HSD17B12: variants seen among roughly 807,000 people sequenced by gnomAD.
HSD17B12 encodes the protein hydroxysteroid 17-beta dehydrogenase 12.
In HSD17B12, 32 loss-of-function variants were observed where a neutral mutation model predicts 39.3. The observed-to-expected ratio is 0.81, with a 90% CI of 0.61 to 1.09. HSD17B12 has a LOEUF of 1.09. HSD17B12 is among the 50% of genes least tolerant of loss of function. HSD17B12 has a pLI of 0.00. For synonymous variants in HSD17B12, 150 were observed against 146.7 expected, an observed-to-expected ratio of 1.02 and a Z score of -0.16; for missense variants, 342 against 382.9, an observed-to-expected ratio of 0.89 and a Z score of 0.89.
chr11:43,798,192 G>C (rs1950931278), intron 3 of HSD17B12, 128 bp from the exon 4 acceptor site: 1 of 624,904 alleles, frequency 1.6e-6, no homozygotes, highest in South Asian at 1.7e-5. Context: ...AATTATCCTG[G>C]TGTAAATTTT....
At chr11:43,687,365 T>C (rs1298253445) in intron 1 of HSD17B12, among the ~76,000 whole-genome samples, 1 of 152,198 alleles carries the variant, frequency 6.6e-6, no homozygotes, top group Non-Finnish European at 1.5e-5. Flanking sequence ...ATAGACCTTA[T>C]AATAGTCCAA....
At chr11:43,816,466 T>A in intron 6 of HSD17B12, 75 bp downstream of exon 6, 1 of 1,285,244 alleles carries the variant, frequency 7.8e-7, no homozygotes, top group Non-Finnish European at 1.1e-6. Context: ...AATCAGCTTG[T>A]TCACCTGAGT....
the HSD17B12 span, among the ~76,000 whole-genome samples, chr11:43,579,730 G>A: frequency 6.6e-6 from 1 of 152,138 alleles, no homozygotes; most frequent in Admixed American, 6.5e-5. Context: ...GAGCCGAGGG[G>A]ATGCCGTGGG....
rs369191916 is a variant in HSD17B12, at chr11:43,724,960, C to A, written c.161-25951C>A. On this transcript the variant is annotated intron_variant, in intron 1 of 10. Coordinates refer to ENST00000278353, the MANE Select transcript of HSD17B12 (RefSeq NM_016142.3). ...TTTATAAAAACTCAGATTCCCAGAGCAGGATTGGTATTCACTTATCTCTGT... is the reference window on the plus strand; with the variant it reads ...TTTATAAAAACTCAGATTCCCAGAGAAGGATTGGTATTCACTTATCTCTGT... 3.3e-5 allele frequency among the ~76,000 whole-genome samples: 5 copies of A among 152,222 alleles called. No individual in the cohort carries two copies. In the East Asian group the frequency reaches 7.7e-4, roughly 24 times the overall value.
At chr11:43,689,656 C>T (rs886306321) in intron 1 of HSD17B12, among the ~76,000 whole-genome samples, 4 of 152,126 alleles carry the variant, frequency 2.6e-5, no homozygotes, top group Non-Finnish European at 4.4e-5. Context: ...AAGTGATTCT[C>T]CTGCCTCAGC....
chr11:43,770,107 T>G (rs973733031), intron 3 of HSD17B12, among the ~76,000 whole-genome samples: 12 of 152,344 alleles, frequency 7.9e-5, no homozygotes, highest in African/African-American at 2.9e-4. Flanking sequence ...TCTTCCTGGT[T>G]CCTTAGGACT....
intron 3 of HSD17B12, among the ~76,000 whole-genome samples, chr11:43,760,641 A>C (rs553231637): frequency 1.8e-4 from 28 of 152,334 alleles, no homozygotes; most frequent in African/African-American, 6.7e-4. Flanking sequence ...TTCTATAGTT[A>C]AGATATGAAT....
chr11:43,651,291 T>C, the HSD17B12 span, among the ~76,000 whole-genome samples: 3 of 152,192 alleles, frequency 2.0e-5, no homozygotes, highest in African/African-American at 7.2e-5. Context: ...AACCAAGACA[T>C]ATTCATCATA....
intron 1 of HSD17B12, chr11:43,734,059 A>T: frequency 1.1e-6 from 1 of 880,938 alleles, no homozygotes; most frequent in Non-Finnish European, 1.9e-6. Context: ...ATCGCTAGCC[A>T]ACTTCCTCAT....
intron 9 of HSD17B12, among the ~76,000 whole-genome samples, chr11:43,847,758 CTTGTTACTACTTTCCAGTGCCTTTG>C (rs1409430402): frequency 6.8e-6 from 1 of 147,822 alleles, no homozygotes. Context: ...GCTCCATTTG[CTTGTTACTACTTTCCAGTGCCTTTG>C]TCTTGGTGAT....
At chr11:43,566,622 C>T in the HSD17B12 span, among the ~76,000 whole-genome samples, 248 of 152,148 alleles carry the variant, frequency 1.6e-3, no homozygotes, top group African/African-American at 4.0e-3. Context: ...CTCCTCCTCC[C>T]GGGTTCAAGC....
intron 3 of HSD17B12, among the ~76,000 whole-genome samples, chr11:43,795,253 A>G (rs955833878): frequency 5.3e-5 from 8 of 152,150 alleles, no homozygotes; most frequent in Non-Finnish European, 1.0e-4. Context: ...CCAAGCCCCA[A>G]GTTCAAGCCT....
chr11:43,621,758 T>G, the HSD17B12 span, among the ~76,000 whole-genome samples: 1 of 152,178 alleles, frequency 6.6e-6, no homozygotes, highest in Non-Finnish European at 1.5e-5. Context: ...AACTTATTGG[T>G]GACAATAATT....
chr11:43,747,371 T>C (rs1289951761), intron 1 of HSD17B12, among the ~76,000 whole-genome samples: 2 of 152,180 alleles, frequency 1.3e-5, no homozygotes, highest in Non-Finnish European at 1.5e-5. Flanking sequence ...ACAGTGAAGT[T>C]GGTGGATCTT....
At chr11:43,561,392 G>A in the HSD17B12 span, among the ~76,000 whole-genome samples, 1 of 152,160 alleles carries the variant, frequency 6.6e-6, no homozygotes. Flanking sequence ...AAAGGGTCTA[G>A]AGGAAGACGG....
rs578036514 is a variant in HSD17B12, at chr11:43,814,455, T to C, written c.392-982T>C. Among the ~76,000 whole-genome samples, 23 of 152,350 alleles carry C rather than the reference T, an allele frequency of 1.5e-4. 1 individual carries two copies. In the East Asian group the frequency reaches 4.0e-3, roughly 27 times the overall value. On this transcript the variant is annotated intron_variant, in intron 4 of 10. Coordinates refer to ENST00000278353, the MANE Select transcript of HSD17B12 (RefSeq NM_016142.3). The stretch of plus-strand genomic sequence containing the variant: ...TTTAGTTAAAATAAATTCTAAGATA[T>C]TTTATTCATTGATTGATTCCTGCAA...
the HSD17B12 span, among the ~76,000 whole-genome samples, chr11:43,578,396 T>C: frequency 6.6e-6 from 1 of 152,144 alleles, no homozygotes; most frequent in Non-Finnish European, 1.5e-5. Context: ...GGGTGAGTTA[T>C]GTTTAGCTCA....
the HSD17B12 span, among the ~76,000 whole-genome samples, chr11:43,627,384 G>A: frequency 2.6e-5 from 4 of 151,358 alleles, no homozygotes; most frequent in African/African-American, 4.8e-5. Flanking sequence ...AACTAAAATG[G>A]CATTTACTGT....
the HSD17B12 span, among the ~76,000 whole-genome samples, chr11:43,620,610 A>C: frequency 6.6e-6 from 1 of 152,186 alleles, no homozygotes; most frequent in Non-Finnish European, 1.5e-5. Flanking sequence ...ACCGGAGCTT[A>C]CTAGTTCTGT....
Sources: allele counts gnomAD v4.1 joint callset (sites outside exome capture counted in the v4.1 genomes callset), GRCh38; gene constraint gnomAD v4.1.1; transcripts MANE v1.5; gene names NCBI Gene and HGNC (gene_info 2026-07-23, HGNC 2026-07-21).